HHIP: variants seen among roughly 807,000 people sequenced by gnomAD.
HHIP encodes the protein hedgehog interacting protein.
Under a neutral mutation model 74.0 loss-of-function variants are expected in HHIP, and 12 were observed. The observed-to-expected ratio is 0.16, with a 90% CI of 0.10 to 0.26. HHIP has a LOEUF of 0.26. Ranked by LOEUF, HHIP falls within the 10% of genes least tolerant of loss-of-function variation. The probability of loss-of-function intolerance (pLI) is 1.00; values close to 1 mark genes in which losing one functional copy is unlikely to be tolerated. For synonymous variants in HHIP, 309 were observed against 311.6 expected (o/e 0.99, Z 0.09); for missense variants, 788 against 845.0 (o/e 0.93, Z 0.84).
intron 7 of HHIP, among the ~76,000 whole-genome samples, chr4:144,711,092 A>C (rs1417524808): frequency 1.3e-5 from 2 of 152,066 alleles, no homozygotes; most frequent in Non-Finnish European, 2.9e-5. Flanking sequence ...TCACAGAGAT[A>C]CTCTGGCCCC....
chr4:144,650,450 T>C (rs1383326346), intron 1 of HHIP, among the ~76,000 whole-genome samples: 2 of 152,142 alleles, frequency 1.3e-5, no homozygotes, highest in African/African-American at 4.8e-5. Context: ...CTTCTTAAGA[T>C]TGACGGCATC....
chr4:144,712,273 T>C (rs1262604109), intron 8 of HHIP, among the ~76,000 whole-genome samples: 2 of 152,126 alleles, frequency 1.3e-5, no homozygotes, highest in East Asian at 3.9e-4. Flanking sequence ...ATCTGGTTAA[T>C]TACCATGGAT....
chr4:144,716,516 T>A (rs1039445563), intron 10 of HHIP, among the ~76,000 whole-genome samples: 2 of 152,056 alleles, frequency 1.3e-5, no homozygotes, highest in Non-Finnish European at 2.9e-5. Flanking sequence ...TCCTCTGTAA[T>A]ATAATTTTAA....
At chr4:144,671,138 A>G (rs1729026313) in intron 4 of HHIP, among the ~76,000 whole-genome samples, 1 of 152,190 alleles carries the variant, frequency 6.6e-6, no homozygotes, top group South Asian at 2.1e-4. Flanking sequence ...GGGATTTGGA[A>G]GATCAGATGA....
chr4:144,677,992 A>G (rs1401698355), intron 4 of HHIP, among the ~76,000 whole-genome samples: 5 of 152,210 alleles, frequency 3.3e-5, no homozygotes, highest in Non-Finnish European at 5.9e-5. Flanking sequence ...AATGGGGTCA[A>G]AAAGACTGAC....
chr4:144,657,861 G>T (rs1422494411), intron 2 of HHIP, among the ~76,000 whole-genome samples: 1 of 152,122 alleles, frequency 6.6e-6, no homozygotes, highest in Non-Finnish European at 1.5e-5. Flanking sequence ...TAAGTGAGGT[G>T]CAGGAAAAAG....
chr4:144,738,094 A>G lies in HHIP; in HGVS notation c.*137A>G, dbSNP rs1191199586. On this transcript the variant is annotated 3_prime_UTR_variant, in exon 13 of 13. Transcript: ENST00000296575. Reference sequence around the variant, plus strand: ...ATTAATTTAAAAATAATTTCCAGAAATGTGCAGATCCTCTGTGTGTATGTC... The same window carrying G: ...ATTAATTTAAAAATAATTTCCAGAAGTGTGCAGATCCTCTGTGTGTATGTC... 1.2e-5 allele frequency: 16 copies of G among 1,356,524 alleles called. No individual in the cohort carries two copies. The highest frequency in any genetic ancestry group is 1.5e-5 in the Non-Finnish European group (16 of 1,056,296). The allele number at this position is 1,356,524 out of a possible 1,614,324, so 84.0% of individuals were successfully genotyped here. A position where few individuals can be genotyped will look rare whatever the true frequency, so the allele number is the denominator to read the frequency against.
chr4:144,738,178 A>G lies in HHIP; in HGVS notation c.*221A>G, dbSNP rs1731173170. On this transcript the variant is annotated 3_prime_UTR_variant, in exon 13 of 13. Transcript: ENST00000296575. ...TCATAACCCCTATATGCGTTGTTGC[A>G]TAACAGATGATTTTTTAAAATATAT... 8.8e-7 allele frequency: 1 copy of G among 1,139,650 alleles called. No homozygotes were observed. The highest frequency in any genetic ancestry group is 1.1e-6 in the Non-Finnish European group (1 of 929,524). 70.6% of individuals were successfully genotyped at this position (1,139,650 alleles called of 1,614,324 possible).
At chr4:144,674,966 G>A (rs1274046325) in intron 4 of HHIP, among the ~76,000 whole-genome samples, 1 of 152,074 alleles carries the variant, frequency 6.6e-6, no homozygotes, top group African/African-American at 2.4e-5. Flanking sequence ...TAACCTTTGT[G>A]TTTCTAATTC....
At chr4:144,734,957 A>G in intron 12 of HHIP, 68 bp downstream of exon 12, 1 of 1,416,064 alleles carries the variant, frequency 7.1e-7, no homozygotes, top group Non-Finnish European at 9.7e-7. Flanking sequence ...CAAGAACTCA[A>G]CATTGATTGT....
intron 7 of HHIP, among the ~76,000 whole-genome samples, chr4:144,710,568 T>C (rs1169091289): frequency 6.6e-6 from 1 of 152,238 alleles, no homozygotes; most frequent in Non-Finnish European, 1.5e-5. Context: ...TAAATTTCTT[T>C]ATTAGCTCCA....
chr4:144,650,086 C>T (rs1263590572), intron 1 of HHIP, among the ~76,000 whole-genome samples: 1 of 152,130 alleles, frequency 6.6e-6, no homozygotes, highest in Non-Finnish European at 1.5e-5. Context: ...CCTCATCGAA[C>T]CCATGTGGCT....
rs149715142 is a variant in HHIP, at chr4:144,658,808, C to T, written c.491C>T (p.Ala164Val). 85 of 1,611,840 alleles carry T rather than the reference C, an allele frequency of 5.3e-5. 1 individual carries two copies. The South Asian group carries it at 5.8e-4, about 11-fold the overall frequency. Residue 164 changes from alanine (A) to valine (V), a missense_variant, in exon 3 of 13, where the codon GCG becomes GTG. Physicochemically the swap from Ala to Val is moderately conservative, Grantham distance 64. Around this residue, in one of 3 missense-constraint regions of HHIP, gnomAD observed 373 missense variants for 366.4 expected, o/e 1.02. Transcript: ENST00000296575. ...TTTAAAGGTTTCCTTCAAACAACTG[C>T]GGATGAGTTTTGCTTTTACTATGCA... ...GHIPGFLQTT[A>V]DEFCFYYARK...
chr4:144,669,026 T>A (rs969935970), intron 4 of HHIP, among the ~76,000 whole-genome samples: 6 of 150,310 alleles, frequency 4.0e-5, no homozygotes, highest in African/African-American at 1.5e-4. Context: ...ATATAATATA[T>A]AATATTTATA....
intron 11 of HHIP, among the ~76,000 whole-genome samples, chr4:144,719,497 A>G (rs1396789419): frequency 6.6e-6 from 1 of 152,174 alleles, no homozygotes; most frequent in African/African-American, 2.4e-5. Flanking sequence ...TGCTTCAGCA[A>G]AAGAAAGATT....
intron 1 of HHIP, among the ~76,000 whole-genome samples, chr4:144,647,490 C>T (rs943831441): frequency 1.3e-5 from 2 of 152,196 alleles, no homozygotes; most frequent in Admixed American, 6.5e-5. Context: ...AAAGGAACTC[C>T]TGGTCCTCCG....
chr4:144,679,430 G>T (rs1325274815), intron 4 of HHIP, among the ~76,000 whole-genome samples: 4 of 152,138 alleles, frequency 2.6e-5, no homozygotes, highest in Non-Finnish European at 4.4e-5. Context: ...TGCTTTTGGT[G>T]TTTCAGTCAT....
chr4:144,734,558 G>C (rs1731052634), intron 11 of HHIP, among the ~76,000 whole-genome samples, 183 bp from the exon 12 acceptor site: 1 of 151,174 alleles, frequency 6.6e-6, no homozygotes, highest in Non-Finnish European at 1.5e-5. Context: ...TGGTTAGTTT[G>C]TTTCCTCACT....
intron 4 of HHIP, among the ~76,000 whole-genome samples, chr4:144,679,420 T>C (rs564005863): frequency 6.6e-6 from 1 of 152,328 alleles, no homozygotes; most frequent in Admixed American, 6.5e-5. Context: ...TTTTTGCCAT[T>C]GCTTTTGGTG....
Sources: gnomAD v4.1 joint callset for allele counts (sites outside exome capture counted in the v4.1 genomes callset) on GRCh38, gnomAD v4.1.1 for gene constraint, gnomAD v4.1.1 regional missense constraint, MANE v1.5 for transcripts, NCBI Gene and HGNC (gene_info 2026-07-23, HGNC 2026-07-21) for gene names.